ARMH3: variants seen among roughly 807,000 people sequenced by gnomAD.
The protein encoded by ARMH3 is armadillo-like helical domain-containing protein 3.
Under a neutral mutation model 99.1 loss-of-function variants are expected in ARMH3, and 60 were observed. The ratio of observed to expected loss-of-function variants is 0.61; its 90% confidence interval spans 0.49 to 0.75. The LOEUF is 0.75. Ranked by LOEUF, ARMH3 falls within the 30% of genes least tolerant of loss-of-function variation. ARMH3 has a pLI of 0.00. For missense variants in ARMH3, 679 were observed against 843.1 expected (o/e 0.81, Z 2.41); for synonymous variants, 285 against 292.8 (o/e 0.97, Z 0.27).
At chr10:101,928,871 C>G (rs992670128) in intron 23 of ARMH3, among the ~76,000 whole-genome samples, 12 of 152,044 alleles carry the variant, frequency 7.9e-5, no homozygotes, top group Admixed American at 5.2e-4. Context: ...GCTGGGATTA[C>G]AAGCACCCAC....
At chr10:101,925,136 A>C (rs1843460073) in intron 23 of ARMH3, among the ~76,000 whole-genome samples, 1 of 152,254 alleles carries the variant, frequency 6.6e-6, no homozygotes, top group Non-Finnish European at 1.5e-5. Context: ...AGCAGATTTG[A>C]AGGTTTTAGT....
At chr10:101,870,964 C>T (rs1253310021) in intron 24 of ARMH3, among the ~76,000 whole-genome samples, 1 of 151,788 alleles carries the variant, frequency 6.6e-6, no homozygotes, top group Non-Finnish European at 1.5e-5. Context: ...AACAAACAAA[C>T]AACCAAAAAA....
At chr10:101,868,432 A>C (rs905248160) in intron 24 of ARMH3, among the ~76,000 whole-genome samples, 3 of 152,228 alleles carry the variant, frequency 2.0e-5, no homozygotes, top group African/African-American at 7.2e-5. Context: ...ATAAAAAAGT[A>C]AAAATGTTAG....
chr10:101,973,248 G>A (rs1355887845), intron 20 of ARMH3, among the ~76,000 whole-genome samples: 2 of 151,342 alleles, frequency 1.3e-5, no homozygotes, highest in African/African-American at 4.9e-5. Flanking sequence ...TGTAGTCCCA[G>A]CTACTCAGGA....
At chr10:101,894,152 T>G (rs996984607) in intron 23 of ARMH3, among the ~76,000 whole-genome samples, 1 of 151,804 alleles carries the variant, frequency 6.6e-6, no homozygotes, top group Non-Finnish European at 1.5e-5. Flanking sequence ...CGGCCTTATG[T>G]TTTTTTTGCT....
chr10:101,890,992 A>G (rs1036734495), intron 23 of ARMH3, among the ~76,000 whole-genome samples: 1 of 150,272 alleles, frequency 6.7e-6, no homozygotes, highest in Non-Finnish European at 1.5e-5. Context: ...CTCCCACTTC[A>G]GCCTCCCAAG....
At chr10:102,033,494 T>G (rs2067182093) in intron 2 of ARMH3, 155 bp from the exon 3 acceptor site, 2 of 783,698 alleles carry the variant, frequency 2.6e-6, no homozygotes, top group Non-Finnish European at 3.9e-6. Context: ...CTCGGCTCAC[T>G]GCAGGCTCCG....
At chr10:102,033,718 C>T (rs2067188131) in intron 2 of ARMH3, among the ~76,000 whole-genome samples, 1 of 152,000 alleles carries the variant, frequency 6.6e-6, no homozygotes, top group Non-Finnish European at 1.5e-5. Flanking sequence ...GCACCCGGCC[C>T]CTTAGTTTTC....
chr10:101,938,466 T>C (rs1182051713), intron 23 of ARMH3, among the ~76,000 whole-genome samples: 2 of 152,006 alleles, frequency 1.3e-5, no homozygotes, highest in Non-Finnish European at 2.9e-5. Flanking sequence ...AAGCAGAAGA[T>C]AAGGCAAGTA....
chr10:101,897,662 T>C (rs959984596), intron 23 of ARMH3, among the ~76,000 whole-genome samples: 2 of 152,102 alleles, frequency 1.3e-5, no homozygotes, highest in Admixed American at 6.6e-5. Flanking sequence ...ATACGGGGCC[T>C]CTAAAGCCAC....
intron 5 of ARMH3, among the ~76,000 whole-genome samples, chr10:102,026,511 AAATTC>A (rs2067005063): frequency 6.6e-6 from 1 of 152,208 alleles, no homozygotes; most frequent in Admixed American, 6.5e-5. Context: ...TATATTTTGA[AAATTC>A]AATAGGAATT....
intron 20 of ARMH3, among the ~76,000 whole-genome samples, chr10:101,965,101 T>C (rs1845477768): frequency 6.6e-6 from 1 of 152,196 alleles, no homozygotes; most frequent in Admixed American, 6.5e-5. Flanking sequence ...AAGGTAGTGA[T>C]GGTTGCACAA....
chr10:101,927,687 G>C (rs1843563337), intron 23 of ARMH3, among the ~76,000 whole-genome samples: 1 of 152,228 alleles, frequency 6.6e-6, no homozygotes, highest in African/African-American at 2.4e-5. Context: ...CCAGCACTTT[G>C]GGAGGCTGAG....
At chr10:101,957,538 G>T in intron 21 of ARMH3, 112 bp downstream of exon 21, 3 of 1,199,408 alleles carry the variant, frequency 2.5e-6, no homozygotes, top group Non-Finnish European at 3.4e-6. Context: ...ATATATATAG[G>T]TCTGGTTCCC....
Position 101,847,126 on chromosome 10 carries a change from T to G in ARMH3, c.*402A>C. The G allele has an allele frequency of 5.6e-6, 1 of 177,104 alleles. No individual in the cohort carries two copies. The highest frequency in any genetic ancestry group is 1.2e-5 in the Non-Finnish European group (1 of 83,276). 11.0% of individuals were successfully genotyped at this position (177,104 alleles called of 1,614,324 possible). A position where few individuals can be genotyped will look rare whatever the true frequency, so the allele number is the denominator to read the frequency against. On this transcript the variant is annotated 3_prime_UTR_variant, in exon 26 of 26. Transcript: ENST00000370033. The stretch of plus-strand genomic sequence containing the variant: ...ATGTAGCTCCAGCTATATCTGAGAG[T>G]TGATCTGTTTTCAGAAGCCGAGCAG...
chr10:102,035,944 C>T (rs557598234), intron 2 of ARMH3, among the ~76,000 whole-genome samples: 9 of 152,028 alleles, frequency 5.9e-5, no homozygotes, highest in African/African-American at 1.7e-4. Context: ...GCGGCCATCC[C>T]GTCTAGGAAG....
intron 23 of ARMH3, among the ~76,000 whole-genome samples, chr10:101,938,318 GA>G (rs1223444647): frequency 6.6e-6 from 1 of 152,192 alleles, no homozygotes; most frequent in Admixed American, 6.5e-5. Flanking sequence ...AGAGAAGAAA[GA>G]AGTTACATGG....
intron 23 of ARMH3, among the ~76,000 whole-genome samples, chr10:101,937,819 G>C (rs187062734): frequency 4.6e-5 from 7 of 152,270 alleles, no homozygotes; most frequent in African/African-American, 1.7e-4. Flanking sequence ...TGGCCTTACT[G>C]TGGTGACATT....
At chr10:101,947,321 G>C (rs1844579188) in intron 22 of ARMH3, among the ~76,000 whole-genome samples, 1 of 152,108 alleles carries the variant, frequency 6.6e-6, no homozygotes, top group African/African-American at 2.4e-5. Flanking sequence ...AGTACTTAAA[G>C]ATAAAAATTA....
Sources: allele counts gnomAD v4.1 joint callset (sites outside exome capture counted in the v4.1 genomes callset), GRCh38; gene constraint gnomAD v4.1.1; transcripts MANE v1.5; gene names NCBI Gene and HGNC (gene_info 2026-07-23, HGNC 2026-07-21).